PPP1R14C: variants seen among roughly 807,000 people sequenced by gnomAD.
PPP1R14C encodes protein phosphatase 1 regulatory subunit 14C.
A neutral mutation model predicts 20.4 loss-of-function variants in PPP1R14C; 16 were observed. That is an observed-to-expected ratio of 0.78 (90% CI 0.53 to 1.19). The LOEUF is 1.19. PPP1R14C is among the 50% of genes most tolerant of loss of function. The pLI, the probability that PPP1R14C is intolerant of heterozygous loss-of-function variation, is 0.00. For synonymous variants in PPP1R14C, 91 were observed against 91.0 expected, an observed-to-expected ratio of 1.00 and a Z score of 0.00; for missense variants, 211 against 220.1, an observed-to-expected ratio of 0.96 and a Z score of 0.26.
intron 3 of PPP1R14C, 149 bp downstream of exon 3, chr6:150,217,005 C>A: frequency 1.7e-6 from 1 of 582,996 alleles, no homozygotes; most frequent in Admixed American, 3.6e-5. Flanking sequence ...GTTTGAATAG[C>A]TCTAACTTCA....
chr6:150,180,573 G>A (rs1177756541), intron 1 of PPP1R14C, among the ~76,000 whole-genome samples: 1 of 152,222 alleles, frequency 6.6e-6, no homozygotes, highest in Non-Finnish European at 1.5e-5. Context: ...TACATCTCAT[G>A]AGCTCCTCAG....
chr6:150,241,746 G>T (rs1218966268), intron 3 of PPP1R14C, among the ~76,000 whole-genome samples: 1 of 152,188 alleles, frequency 6.6e-6, no homozygotes, highest in Non-Finnish European at 1.5e-5. Flanking sequence ...AATTAGCTGG[G>T]CATGGTGGCA....
chr6:150,204,996 C>CTTTT (rs10683235), intron 1 of PPP1R14C, among the ~76,000 whole-genome samples: 4 of 143,312 alleles, frequency 2.8e-5, no homozygotes, highest in Non-Finnish European at 1.5e-5. Context: ...AACTCAGAGT[C>CTTTT]TTTTTTTTTT....
intron 1 of PPP1R14C, among the ~76,000 whole-genome samples, chr6:150,167,377 A>G (rs1009517992): frequency 1.3e-5 from 2 of 152,108 alleles, no homozygotes; most frequent in African/African-American, 2.4e-5. Context: ...CGGGGGGGAA[A>G]AAAACAAAAA....
At chr6:150,170,928 T>G (rs1777491705) in intron 1 of PPP1R14C, among the ~76,000 whole-genome samples, 1 of 152,102 alleles carries the variant, frequency 6.6e-6, no homozygotes, top group Non-Finnish European at 1.5e-5. Context: ...TTTAAAAAAT[T>G]TTAAATCTGT....
chr6:150,149,301 G>A (rs80052319), intron 1 of PPP1R14C, among the ~76,000 whole-genome samples: 7 of 129,978 alleles, frequency 5.4e-5, no homozygotes, highest in African/African-American at 2.0e-4. Flanking sequence ...CCATACATAT[G>A]TGTGTGTGTG....
intron 1 of PPP1R14C, among the ~76,000 whole-genome samples, chr6:150,171,049 C>T (rs1354926042): frequency 6.6e-6 from 1 of 152,018 alleles, no homozygotes; most frequent in Non-Finnish European, 1.5e-5. Flanking sequence ...CCGGCGTGAC[C>T]CTCCATTGGA....
At chr6:150,246,635 C>G (rs1778495944) in intron 3 of PPP1R14C, among the ~76,000 whole-genome samples, 2 of 152,158 alleles carry the variant, frequency 1.3e-5, no homozygotes, top group East Asian at 3.8e-4. Flanking sequence ...ATTTAAGTCA[C>G]TTTACATTCT....
chr6:150,167,525 G>A (rs1777437097), intron 1 of PPP1R14C, among the ~76,000 whole-genome samples: 1 of 152,162 alleles, frequency 6.6e-6, no homozygotes. Context: ...TTTCTAACAA[G>A]TTTGGTTTTC....
At chr6:150,195,971 C>T (rs888748412) in intron 1 of PPP1R14C, 2 of 985,326 alleles carry the variant, frequency 2.0e-6, no homozygotes, top group Admixed American at 1.2e-4. Flanking sequence ...AGACCTGCCA[C>T]TCTGCAGCTT....
chr6:150,177,186 T>C (rs1368606415), intron 1 of PPP1R14C, among the ~76,000 whole-genome samples: 1 of 152,166 alleles, frequency 6.6e-6, no homozygotes, highest in Non-Finnish European at 1.5e-5. Context: ...GCACAGATCT[T>C]CCCTGCACCG....
rs1030062262 is a variant in PPP1R14C, at chr6:150,195,263, A to G, written c.307-19481A>G. The G allele has an allele frequency of 1.6e-5, 11 of 669,528 alleles. No homozygotes were observed. The Admixed American group carries it at 1.9e-4, about 12-fold the overall frequency. The allele number at this position is 669,528 out of a possible 1,614,324, so 41.5% of individuals were successfully genotyped here. ...TGTGTGTGTGGATACCATGTTATAC[A>G]TGGGGGCTAAAAAAATAAATGAAAT... On this transcript the variant is annotated intron_variant, in intron 1 of 3. Coordinates refer to ENST00000361131, the MANE Select transcript of PPP1R14C (RefSeq NM_030949.3).
At chr6:150,199,696 G>A (rs138746256) in intron 1 of PPP1R14C, among the ~76,000 whole-genome samples, 19 of 152,162 alleles carry the variant, frequency 1.2e-4, no homozygotes, top group African/African-American at 4.1e-4. Context: ...ATAGTGAGAT[G>A]CCATCTCTGC....
intron 1 of PPP1R14C, among the ~76,000 whole-genome samples, chr6:150,166,385 C>A (rs549904169): frequency 2.0e-5 from 3 of 152,178 alleles, no homozygotes; most frequent in Admixed American, 6.5e-5. Context: ...CAGCCAAATG[C>A]TGCTCTTCTT....
At chr6:150,181,246 A>G (rs1445579701) in intron 1 of PPP1R14C, among the ~76,000 whole-genome samples, 2 of 151,998 alleles carry the variant, frequency 1.3e-5, no homozygotes, top group African/African-American at 4.8e-5. Flanking sequence ...GCGCGATCTC[A>G]TCTCACTGCA....
intron 1 of PPP1R14C, among the ~76,000 whole-genome samples, chr6:150,166,575 C>T (rs905405284): frequency 2.0e-5 from 3 of 152,178 alleles, no homozygotes; most frequent in African/African-American, 4.8e-5. Context: ...CAGCTCCAGG[C>T]GGTAGCTGTT....
chr6:150,237,849 A>G (rs4870386), intron 3 of PPP1R14C, among the ~76,000 whole-genome samples: 82,857 of 151,996 alleles, frequency 0.55, 24,659 homozygotes, highest in African/African-American at 0.8. Context: ...CATGTGTGGT[A>G]TGTATTGGGT....
At chr6:150,156,483 C>T (rs765155067) in intron 1 of PPP1R14C, among the ~76,000 whole-genome samples, 3 of 152,178 alleles carry the variant, frequency 2.0e-5, no homozygotes, top group Non-Finnish European at 4.4e-5. Context: ...ATTGGTAAAG[C>T]CATTTCATTC....
intron 3 of PPP1R14C, among the ~76,000 whole-genome samples, chr6:150,239,204 T>C (rs907791073): frequency 5.3e-5 from 8 of 152,248 alleles, no homozygotes; most frequent in Non-Finnish European, 5.9e-5. Context: ...TTTCAGCATG[T>C]CCAATATACG....
Sources: allele counts gnomAD v4.1 joint callset (sites outside exome capture counted in the v4.1 genomes callset), GRCh38; gene constraint gnomAD v4.1.1; transcripts MANE v1.5; gene names NCBI Gene and HGNC (gene_info 2026-07-23, HGNC 2026-07-21).